NSUN6: variants seen among roughly 807,000 people sequenced by gnomAD.
NSUN6 encodes tRNA (cytosine(72)-C(5))-methyltransferase NSUN6.
A neutral mutation model predicts 58.0 loss-of-function variants in NSUN6; 64 were observed. The observed-to-expected ratio is 1.10, with a 90% CI of 0.90 to 1.36. NSUN6 has a LOEUF of 1.36. Among genes scored for constraint, NSUN6 ranks in the 40% most tolerant of loss-of-function variants. The pLI is 0.00. For missense variants in NSUN6, 701 were observed against 550.1 expected, an observed-to-expected ratio of 1.27 and a Z score of -2.74; for synonymous variants, 231 against 193.9, an observed-to-expected ratio of 1.19 and a Z score of -1.59.
In NSUN6 at chr10:18,642,491, G is replaced by A; in HGVS notation, c.296C>T (p.Pro99Leu). Reference protein sequence around the residue: ...HPDLQDVLLIPVIGPRKNIKK... With the variant: ...HPDLQDVLLILVIGPRKNIKK... ...TCTTACAAACCTGGGTCCAATAACA[G>A]GAATAAGTAACACATCTTGAAGGTC... The change falls in exon 3 of 11, where the codon CCT (proline) becomes CTT (leucine). Residue 99 changes from proline to leucine, a missense_variant. By Grantham distance (98) the Pro-to-Leu change is moderately conservative (BLOSUM62 -3). Transcript: ENST00000377304. 2.0e-6 allele frequency: 3 copies of A among 1,526,144 alleles called. No homozygotes were observed. The allele number at this position is 1,526,144 out of a possible 1,614,324, so 94.5% of individuals were successfully genotyped here. A position where few individuals can be genotyped will look rare whatever the true frequency, so the allele number is the denominator to read the frequency against.
intron 2 of NSUN6, among the ~76,000 whole-genome samples, chr10:18,643,757 A>G (rs1459763441): frequency 6.6e-6 from 1 of 152,202 alleles, no homozygotes; most frequent in Non-Finnish European, 1.5e-5. Flanking sequence ...CTTGCCAAAG[A>G]GAAGATAATG....
At position 18,551,897 on chromosome 10, in the gene NSUN6, G is replaced by A. The variant is rs2133408701; in HGVS notation, c.997C>T (p.Pro333Ser). 6.2e-7 allele frequency: 1 copy of A among 1,612,586 alleles called. No individual in the cohort carries two copies. The highest frequency in any genetic ancestry group is 1.1e-5 in the South Asian group (1 of 90,954). The change falls in exon 9 of 11, where the codon CCA becomes TCA. Residue 333 changes from proline (P) to serine (S), a missense_variant. Pro to Ser is a moderately conservative substitution (Grantham distance 74). Transcript: ENST00000377304. ...ACAGACCAAGTACAGGCCATGTTTG[G>A]TCTCTGTCCCATTCCACTACAGGGT... ...DAPCSGMGQRPNMACTWSVKE... is the reference protein window; with the variant it reads ...DAPCSGMGQRSNMACTWSVKE...
At chr10:18,565,406 C>T (rs1374688314) in intron 8 of NSUN6, among the ~76,000 whole-genome samples, 2 of 150,898 alleles carry the variant, frequency 1.3e-5, no homozygotes, top group Non-Finnish European at 3.0e-5. Flanking sequence ...TTCTCCATTC[C>T]ATTCCATACC....
chr10:18,548,116 G>T lies in NSUN6; in HGVS notation c.1193C>A (p.Pro398His), dbSNP rs368146736. ...GAAAAATGAAATTACTCCTACCTGG[G>T]GCTGAAGCTGAAGGCAAGGAAATTT... ...LTKFPCLQLQ[P>H]QEPQIGGEGM... is the part of the protein sequence containing the mutation. Residue 398 changes from proline (P) to histidine (H), a missense_variant, in exon 10 of 11, where the codon CCC (proline) becomes CAC (histidine). Pro to His is a moderately conservative substitution (Grantham distance 77). Transcript: ENST00000377304. 8.7e-6 allele frequency: 14 copies of T among 1,613,004 alleles called. No individual in the cohort carries two copies. In the African/African-American group the frequency reaches 1.9e-4, roughly 22 times the overall value.
At chr10:18,644,272 C>A (rs2059474200) in intron 2 of NSUN6, among the ~76,000 whole-genome samples, 1 of 152,224 alleles carries the variant, frequency 6.6e-6, no homozygotes, top group African/African-American at 2.4e-5. Flanking sequence ...GTCTAAAAAT[C>A]TGAAATGTTA....
intron 8 of NSUN6, among the ~76,000 whole-genome samples, chr10:18,575,243 T>A (rs1376296067): frequency 6.6e-6 from 1 of 152,200 alleles, no homozygotes; most frequent in East Asian, 1.9e-4. Context: ...TATAAATAGT[T>A]GCTTAGTATA....
At chr10:18,646,228 GCA>G (rs1214939709) in intron 2 of NSUN6, among the ~76,000 whole-genome samples, 3 of 152,110 alleles carry the variant, frequency 2.0e-5, no homozygotes, top group Non-Finnish European at 4.4e-5. Context: ...AATATGTGGT[GCA>G]CAGATATTGG....
At chr10:18,607,914 G>A (rs1455302442) in intron 6 of NSUN6, among the ~76,000 whole-genome samples, 1 of 152,194 alleles carries the variant, frequency 6.6e-6, no homozygotes, top group African/African-American at 2.4e-5. Context: ...TGAAATTGAA[G>A]GTTTGTAAGA....
intron 3 of NSUN6, among the ~76,000 whole-genome samples, chr10:18,642,006 G>T (rs2059404667): frequency 6.6e-6 from 1 of 152,180 alleles, no homozygotes; most frequent in Non-Finnish European, 1.5e-5. Context: ...GTTCGAGCCT[G>T]CAATGAGCTA....
intron 8 of NSUN6, among the ~76,000 whole-genome samples, chr10:18,573,966 T>C (rs1244195044): frequency 1.3e-5 from 2 of 152,100 alleles, no homozygotes; most frequent in Non-Finnish European, 2.9e-5. Flanking sequence ...AACCATATCC[T>C]GTGGACTTCT....
chr10:18,594,952 TTG>T (rs2131196825), intron 7 of NSUN6, among the ~76,000 whole-genome samples: 1 of 152,316 alleles, frequency 6.6e-6, no homozygotes, highest in East Asian at 1.9e-4. Context: ...ACAGTTGGAC[TTG>T]CTCTGCTTTG....
At chr10:18,587,292 A>G (rs1252481158) in intron 7 of NSUN6, among the ~76,000 whole-genome samples, 1 of 152,196 alleles carries the variant, frequency 6.6e-6, no homozygotes, top group Non-Finnish European at 1.5e-5. Flanking sequence ...TGTTACTTGT[A>G]TGACTGGTCA....
chr10:18,598,893 A>T (rs1371841688), intron 6 of NSUN6, among the ~76,000 whole-genome samples: 2 of 152,222 alleles, frequency 1.3e-5, no homozygotes, highest in Non-Finnish European at 2.9e-5. Context: ...CACTCCTAAA[A>T]ATGATAACAT....
intron 4 of NSUN6, among the ~76,000 whole-genome samples, chr10:18,615,776 G>A (rs1205126221): frequency 5.3e-5 from 8 of 152,110 alleles, no homozygotes; most frequent in Non-Finnish European, 8.8e-5. Flanking sequence ...CAGGTATGTC[G>A]CCAACTGGGT....
At chr10:18,595,926 TATA>T in intron 7 of NSUN6, among the ~76,000 whole-genome samples, 1 of 152,188 alleles carries the variant, frequency 6.6e-6, no homozygotes, top group Non-Finnish European at 1.5e-5. Flanking sequence ...TATGAAATCT[TATA>T]AGAAAATGAA....
At chr10:18,553,098 C>T (rs977377926) in intron 8 of NSUN6, among the ~76,000 whole-genome samples, 4 of 151,512 alleles carry the variant, frequency 2.6e-5, no homozygotes, top group African/African-American at 7.3e-5. Context: ...AGTTCGATTC[C>T]ATTCTCCATT....
Position 18,651,575 on chromosome 10 carries a change from T to C in NSUN6, c.-372A>G, listed in dbSNP as rs1236834181. 2.0e-6 allele frequency: 2 copies of C among 993,434 alleles called. No individual in the cohort carries two copies. The highest frequency in any genetic ancestry group is 2.4e-6 in the Non-Finnish European group (2 of 835,626). The allele number at this position is 993,434 out of a possible 1,614,324, so 61.5% of individuals were successfully genotyped here. On this transcript the variant is annotated 5_prime_UTR_variant, in exon 1 of 11. The change creates a new upstream start codon in the 5' untranslated region. Transcript: ENST00000377304. ...CAGGCTGACAGCAGCTCGGTCCCTT[T>C]ATCTTTTCTATCAATTTCCAAACAC...
chr10:18,548,180 G>C lies in NSUN6; in HGVS notation c.1129C>G (p.Leu377Val), dbSNP rs762703386. The C allele has an allele frequency of 5.0e-6, 8 of 1,613,612 alleles. No individual in the cohort carries two copies. The Admixed American group carries it at 6.7e-5, about 13-fold the overall frequency. Residue 377 changes from leucine to valine, a missense_variant, in exon 10 of 11, where the codon CTG becomes GTG. Transcript: ENST00000377304. ...GCAACCTGTTCTTCATTTTCGGCCA[G>C]TGTTATAGTGCACGTGCTATAAACC... The part of the protein sequence containing the change: ...VLVYSTCTIT[L>V]AENEEQVAWA...
chr10:18,568,904 A>T (rs535386827), intron 8 of NSUN6, among the ~76,000 whole-genome samples: 1 of 137,532 alleles, frequency 7.3e-6, no homozygotes, highest in South Asian at 2.3e-4. Context: ...AATCCATTCT[A>T]CTCTCCATTC....
Sources: allele counts gnomAD v4.1 joint callset (sites outside exome capture counted in the v4.1 genomes callset), GRCh38; gene constraint gnomAD v4.1.1; transcripts MANE v1.5; gene names NCBI Gene and HGNC (gene_info 2026-07-23, HGNC 2026-07-21).